Variants in FAM133B observed in about 807,000 individuals in gnomAD.
The protein encoded by FAM133B is family with sequence similarity 133 member B.
A neutral mutation model predicts 46.4 loss-of-function variants in FAM133B; 25 were observed. That is an observed-to-expected ratio of 0.54 (90% CI 0.39 to 0.75). The LOEUF is 0.75. Among genes scored for constraint, FAM133B ranks in the 30% least tolerant of loss-of-function variants. The pLI, the probability that FAM133B is intolerant of heterozygous loss-of-function variation, is 0.00. For missense variants in FAM133B, 205 were observed against 277.6 expected, an observed-to-expected ratio of 0.74 and a Z score of 1.86; for synonymous variants, 75 against 86.0, an observed-to-expected ratio of 0.87 and a Z score of 0.71.
Position 92,578,138 on chromosome 7 carries a change from A to AT in FAM133B, c.309+11dup, listed in dbSNP as rs761862750. On this transcript the variant is annotated intron_variant, in intron 5 of 10. Transcript: ENST00000445716. ...ATTGTAACGTTTAGAAAAATGGAAA[A>AT]TTTTTGCTCACCCTACCAGATTTCT... 1.9e-6 allele frequency: 3 copies of AT among 1,604,814 alleles called. No homozygotes were observed. In the East Asian group the frequency reaches 6.7e-5, roughly 36 times the overall value.
At chr7:92,581,419 G>T in intron 2 of FAM133B, 87 bp downstream of exon 2, 1 of 1,089,574 alleles carries the variant, frequency 9.2e-7, no homozygotes, top group Non-Finnish European at 1.3e-6. Flanking sequence ...CAATTGCTTG[G>T]TAATCAATAA....
chr7:92,578,141 T>C lies in FAM133B; in HGVS notation c.309+9A>G. 6.2e-7 allele frequency: 1 copy of C among 1,605,038 alleles called. No individual in the cohort carries two copies. Among genetic ancestry groups the C allele is most frequent in the Non-Finnish European group, 8.5e-7 (1 of 1,176,302 alleles). On this transcript the variant is annotated intron_variant, in intron 5 of 10. Coordinates refer to ENST00000445716, the MANE Select transcript of FAM133B (RefSeq NM_152789.4). ...GTAACGTTTAGAAAAATGGAAAATT[T>C]TTGCTCACCCTACCAGATTTCTTCT...
chr7:92,570,978 T>C (rs1794511530), intron 8 of FAM133B, among the ~76,000 whole-genome samples: 1 of 152,310 alleles, frequency 6.6e-6, no homozygotes, highest in East Asian at 1.9e-4. Context: ...CACCCAATAG[T>C]ATCTTTCCAT....
chr7:92,577,766 T>C, intron 5 of FAM133B, 49 bp from the exon 6 acceptor site: 1 of 1,473,634 alleles, frequency 6.8e-7, no homozygotes, highest in Non-Finnish European at 9.2e-7. Context: ...GAGAATGTTT[T>C]TCTTTTACAA....
intron 10 of FAM133B, among the ~76,000 whole-genome samples, chr7:92,565,207 G>C (rs1794305222): frequency 6.7e-6 from 1 of 149,238 alleles, no homozygotes; most frequent in South Asian, 2.1e-4. Context: ...CTGGAGTGCA[G>C]TGGGGCGATC....
intron 10 of FAM133B, among the ~76,000 whole-genome samples, chr7:92,564,448 T>A (rs1794262919): frequency 6.6e-6 from 1 of 152,192 alleles, no homozygotes. Context: ...TGCAAATACT[T>A]ATTTGGTTAT....
intron 8 of FAM133B, among the ~76,000 whole-genome samples, chr7:92,574,227 G>A (rs752224650): frequency 1.2e-4 from 19 of 152,016 alleles, no homozygotes; most frequent in Non-Finnish European, 1.0e-4. Flanking sequence ...ACACACACAC[G>A]GAATATTACT....
At chr7:92,581,471 A>G (rs1794868064) in intron 2 of FAM133B, 35 bp downstream of exon 2, 1 of 1,548,294 alleles carries the variant, frequency 6.5e-7, no homozygotes, top group Admixed American at 1.7e-5. Flanking sequence ...AAAGTTGATA[A>G]AAGCTTATAA....
chr7:92,576,408 G>A (rs1430437133), intron 7 of FAM133B, among the ~76,000 whole-genome samples: 1 of 152,168 alleles, frequency 6.6e-6, no homozygotes, highest in Middle Eastern at 3.2e-3. Flanking sequence ...AACATTTACT[G>A]AGTACTTTCT....
rs1266419989 is a variant in FAM133B, at chr7:92,561,110, A to C, written c.*1172T>G. On this transcript the variant is annotated 3_prime_UTR_variant, in exon 11 of 11. Coordinates refer to ENST00000445716, the MANE Select transcript of FAM133B (RefSeq NM_152789.4). ...TATACAAAGACAACAAACTTTTAAA[A>C]CATTACATTTACTAAGATTCTGGCA... 1.3e-5 allele frequency: 2 copies of C among 152,434 alleles called. No homozygotes were observed. The highest frequency in any genetic ancestry group is 4.8e-5 in the African/African-American group (2 of 41,460). 9.4% of individuals were successfully genotyped at this position (152,434 alleles called of 1,614,324 possible). A position where few individuals can be genotyped will look rare whatever the true frequency, so the allele number is the denominator to read the frequency against.
intron 8 of FAM133B, among the ~76,000 whole-genome samples, chr7:92,571,454 T>C (rs17760397): frequency 0.024 from 3,665 of 152,324 alleles, 51 homozygotes; most frequent in Middle Eastern, 0.075. Flanking sequence ...TTGTTCACAG[T>C]TTAATTTTTG....
In FAM133B at chr7:92,562,254, T is replaced by A; in HGVS notation, c.*28A>T. ...ATTTCCTCAGACATTGCACTTTCTT[T>A]ATAAGGGAATCCTGATTTTTCTTAA... On this transcript the variant is annotated 3_prime_UTR_variant, in exon 11 of 11. Transcript: ENST00000445716. 1 of 1,510,892 alleles carries A rather than the reference T, an allele frequency of 6.6e-7. No individual in the cohort carries two copies. Among genetic ancestry groups the A allele is most frequent in the Non-Finnish European group, 8.8e-7 (1 of 1,139,828 alleles). The allele number at this position is 1,510,892 out of a possible 1,614,324, so 93.6% of individuals were successfully genotyped here.
intron 2 of FAM133B, among the ~76,000 whole-genome samples, chr7:92,580,724 G>C (rs960228209): frequency 3.9e-5 from 6 of 152,276 alleles, no homozygotes; most frequent in Admixed American, 1.3e-4. Flanking sequence ...CAACCTGAGG[G>C]CTGTCTTGAT....
intron 8 of FAM133B, among the ~76,000 whole-genome samples, chr7:92,571,317 G>A (rs571811340): frequency 2.6e-5 from 4 of 152,196 alleles, no homozygotes; most frequent in East Asian, 1.9e-4. Context: ...TTTTAGAATT[G>A]CCTAAACGTA....
At chr7:92,575,316 A>G (rs1794661614) in intron 8 of FAM133B, among the ~76,000 whole-genome samples, 1 of 152,176 alleles carries the variant, frequency 6.6e-6, no homozygotes, top group African/African-American at 2.4e-5. Flanking sequence ...TCTACTAAAA[A>G]TACAAAAATC....
chr7:92,584,439 A>G (rs1290541027), intron 1 of FAM133B, among the ~76,000 whole-genome samples: 1 of 152,202 alleles, frequency 6.6e-6, no homozygotes, highest in Admixed American at 6.5e-5. Flanking sequence ...CAGAGTAAAC[A>G]ATATAAAACC....
chr7:92,582,336 A>G (rs1347698873), intron 1 of FAM133B, among the ~76,000 whole-genome samples: 1 of 151,872 alleles, frequency 6.6e-6, no homozygotes, highest in Non-Finnish European at 1.5e-5. Context: ...AAATAAAATA[A>G]ATTCATTTCC....
intron 8 of FAM133B, among the ~76,000 whole-genome samples, chr7:92,572,842 G>A (rs566141510): frequency 2.6e-5 from 4 of 152,228 alleles, no homozygotes; most frequent in Non-Finnish European, 4.4e-5. Flanking sequence ...AAAGGAGAAC[G>A]GAGAAATAAT....
At chr7:92,587,284 C>T (rs1228034888) in intron 1 of FAM133B, among the ~76,000 whole-genome samples, 3 of 152,072 alleles carry the variant, frequency 2.0e-5, no homozygotes, top group African/African-American at 7.2e-5. Flanking sequence ...TCAAAAAATG[C>T]CAATATTTTC....
Sources: gnomAD v4.1 joint callset for allele counts (sites outside exome capture counted in the v4.1 genomes callset) on GRCh38, gnomAD v4.1.1 for gene constraint, MANE v1.5 for transcripts, NCBI Gene and HGNC (gene_info 2026-07-23, HGNC 2026-07-21) for gene names.